The following TPPP2 variants were observed in gnomAD, a reference collection of about 807,000 sequenced individuals.
TPPP2 encodes tubulin polymerization promoting protein family member 2, also known as tubulin polymerization-promoting protein family member 2.
Under a neutral mutation model 13.0 loss-of-function variants are expected in TPPP2, and 8 were observed. That is an observed-to-expected ratio of 0.62 (90% CI 0.36 to 1.11). The LOEUF is 1.11. Among genes scored for constraint, TPPP2 ranks in the 50% most tolerant of loss-of-function variants. The pLI, the probability that TPPP2 is intolerant of heterozygous loss-of-function variation, is 0.02. For missense variants in TPPP2, 213 were observed against 216.9 expected (o/e 0.98, Z 0.11); for synonymous variants, 81 against 81.8 (o/e 0.99, Z 0.05).
Position 21,031,133 on chromosome 14 carries a change from G to C in TPPP2, c.295G>C (p.Glu99Gln), listed in dbSNP as rs369707582. The C allele has an allele frequency of 1.1e-5, 17 of 1,614,000 alleles. No homozygotes were observed. Among genetic ancestry groups the C allele is most frequent in the South Asian group, 2.2e-5 (2 of 91,090 alleles). The change falls in exon 3 of 4, where the codon GAG becomes CAG. Residue 99 changes from glutamate (E) to glutamine (Q), a missense_variant. By Grantham distance (29) the Glu-to-Gln change is conservative. Coordinates refer to ENST00000321760, the MANE Select transcript of TPPP2 (RefSeq NM_173846.5). ...CCTGGAGAACATTTATGGACTCATG[G>C]AGGGCAAAGACCCAGCCACCACTGG... is the stretch of plus-strand genomic sequence containing the variant. Reference protein sequence around the residue: ...EVLENIYGLMEGKDPATTGAT... With the variant: ...EVLENIYGLMQGKDPATTGAT...
In TPPP2 at chr14:21,031,045, G is replaced by A. The variant is rs561585406; in HGVS notation, c.207G>A (p.Gln69=). ...ACGCCCGAACCATCACGTTTCAACA[G>A]TTCAAAGAGGCAGTGAAGGAACTGG... ...AKNARTITFQ[Q]FKEAVKELGQ... is the part of the protein sequence containing the mutation. Residue 69 remains glutamine, a synonymous_variant, in exon 3 of 4, where the codon CAG becomes CAA. Transcript: ENST00000321760. 62 of 1,613,878 alleles carry A rather than the reference G, an allele frequency of 3.8e-5. No homozygotes were observed. In the South Asian group the frequency reaches 6.0e-4, roughly 16 times the overall value.
chr14:21,027,655 A>C (rs1018927732), upstream of TPPP2, among the ~76,000 whole-genome samples: 1 of 152,332 alleles, frequency 6.6e-6, no homozygotes, highest in Admixed American at 6.5e-5. Context: ...AAATGCGGTA[A>C]TACCTACACA....
downstream of TPPP2, chr14:21,033,919 AGCAGCTAGTGGGTG>A (rs1175268651): frequency 7.4e-6 from 12 of 1,614,094 alleles, no homozygotes; most frequent in Admixed American, 1.2e-4. Flanking sequence ...CTATTGTAGT[AGCAGCTAGTGGGTG>A]GCTGTTGGTG....
At chr14:21,028,345 G>C (rs1049557183), upstream of TPPP2, 2 of 152,048 alleles carry the variant, frequency 1.3e-5, no homozygotes, top group African/African-American at 2.4e-5. Flanking sequence ...CCAAACTCCC[G>C]GGCTCAAGCA....
In TPPP2 at chr14:21,032,313, T is replaced by A. The variant is rs1344590017; in HGVS notation, c.*236T>A. The A allele has an allele frequency of 4.8e-6, 3 of 621,926 alleles. No homozygotes were observed. The highest frequency in any genetic ancestry group is 3.3e-5 in the East Asian group (1 of 29,874). The allele number at this position is 621,926 out of a possible 1,614,324, so 38.5% of individuals were successfully genotyped here. A position where few individuals can be genotyped will look rare whatever the true frequency, so the allele number is the denominator to read the frequency against. ...ACCAGCCATCAGTTAGCATTCCTCC[T>A]CAACAGCTGCTTCCAAGAACAGGAT... On this transcript the variant is annotated 3_prime_UTR_variant, in exon 4 of 4. Transcript: ENST00000321760.
chr14:21,028,770 G>A (rs1211493925), upstream of TPPP2, among the ~76,000 whole-genome samples: 3 of 152,132 alleles, frequency 2.0e-5, no homozygotes, highest in African/African-American at 4.8e-5. Context: ...AGATCATTTA[G>A]AAACCAGAGT....
intron 1 of TPPP2, 61 bp from the exon 2 acceptor site, chr14:21,030,452 A>T: frequency 1.1e-6 from 1 of 906,640 alleles, no homozygotes; most frequent in Non-Finnish European, 1.7e-6. Context: ...AACAGGGAAG[A>T]GGGGAGCTGT....
chr14:21,024,565 A>T, intron 1 of TPPP2: 1 of 985,450 alleles, frequency 1.0e-6, no homozygotes, highest in African/African-American at 1.7e-5. Context: ...AAACAAACAC[A>T]AAGATTGGTG....
upstream of TPPP2, among the ~76,000 whole-genome samples, chr14:21,026,889 CG>C (rs1883706504): frequency 6.6e-6 from 1 of 152,116 alleles, no homozygotes; most frequent in Non-Finnish European, 1.5e-5. Flanking sequence ...GCCAAAGGTG[CG>C]CAAGACAGGA....
downstream of TPPP2, chr14:21,036,202 G>A (rs766686803): frequency 5.5e-5 from 25 of 456,258 alleles, no homozygotes; most frequent in Middle Eastern, 9.8e-4. Flanking sequence ...GGATGCTCTC[G>A]TCTCGCCTGG....
chr14:21,030,493 T>C lies in TPPP2; in HGVS notation c.-69-20T>C, dbSNP rs1007841816. ...TTGCTGACTGATTTTACCATAACAC[T>C]CATCCTCATTACTCCACAGTCCTCC... On this transcript the variant is annotated intron_variant, in intron 1 of 3. Transcript: ENST00000321760. The C allele has an allele frequency of 2.9e-6, 4 of 1,360,462 alleles. No individual in the cohort carries two copies. The African/African-American group carries it at 4.3e-5, about 15-fold the overall frequency. The allele number at this position is 1,360,462 out of a possible 1,614,324, so 84.3% of individuals were successfully genotyped here.
At chr14:21,032,816 G>T, downstream of TPPP2, 1 of 400,288 alleles carries the variant, frequency 2.5e-6, no homozygotes, top group Admixed American at 2.9e-5. Context: ...AACAGAGTCA[G>T]ATGTGTGTTA....
upstream of TPPP2, among the ~76,000 whole-genome samples, chr14:21,026,412 C>G (rs1883633912): frequency 6.6e-6 from 1 of 151,348 alleles, no homozygotes; most frequent in Non-Finnish European, 1.5e-5. Flanking sequence ...GGAACAATGG[C>G]CAATGGAACT....
chr14:21,036,224 A>G (rs1566492326), downstream of TPPP2: 1 of 456,148 alleles, frequency 2.2e-6, no homozygotes. Flanking sequence ...CAGCACACAC[A>G]CTCCAACTCC....
chr14:21,031,843 T>C (rs1884196936), intron 3 of TPPP2, 49 bp from the exon 4 acceptor site: 2 of 1,585,206 alleles, frequency 1.3e-6, no homozygotes, highest in East Asian at 4.5e-5. Context: ...GGAAGGGATA[T>C]GACAGCGTAA....
chr14:21,032,450 G>T lies in TPPP2; in HGVS notation c.*373G>T, dbSNP rs1004348905. 16 of 405,134 alleles carry T rather than the reference G, an allele frequency of 3.9e-5. No homozygotes were observed. Among genetic ancestry groups the T allele is most frequent in the African/African-American group, 3.1e-4 (15 of 48,846 alleles). The allele number at this position is 405,134 out of a possible 1,614,324, so 25.1% of individuals were successfully genotyped here. A position where few individuals can be genotyped will look rare whatever the true frequency, so the allele number is the denominator to read the frequency against. ...CTCTCCACCCCCACCCCTCAAAAGG[G>T]TGTAGCAATTCCTCACGTGATGGAC... On this transcript the variant is annotated 3_prime_UTR_variant, in exon 4 of 4. Transcript: ENST00000321760.
rs1396366070 is a variant in TPPP2 at position 21,030,263 on chromosome 14, C to G, written c.-111C>G. The G allele has an allele frequency of 7.0e-6, 2 of 287,466 alleles. No individual in the cohort carries two copies. Among genetic ancestry groups the G allele is most frequent in the Non-Finnish European group, 1.3e-5 (2 of 149,550 alleles). 17.8% of individuals were successfully genotyped at this position (287,466 alleles called of 1,614,324 possible). A position where few individuals can be genotyped will look rare whatever the true frequency, so the allele number is the denominator to read the frequency against. On this transcript the variant is annotated 5_prime_UTR_variant, in exon 1 of 4. Coordinates refer to ENST00000321760, the MANE Select transcript of TPPP2 (RefSeq NM_173846.5). ...CCACATATCTGCACACACTTAAATA[C>G]AAAGGCCGGGAAGGGTCAGACCACC...
rs569699209 is a variant in TPPP2, at chr14:21,030,640, G to A, written c.59G>A (p.Ser20Asn). The stretch of plus-strand genomic sequence containing the variant: ...TTTGCTGCGTTTGGAGAATCATCAA[G>A]CAGTGGCACTGAAATGAACAACAAG... Reference protein sequence around the residue: ...HRFAAFGESSSSGTEMNNKNF... With the variant: ...HRFAAFGESSNSGTEMNNKNF... Residue 20 changes from serine to asparagine, a missense_variant, in exon 2 of 4, where the codon AGC becomes AAC. Transcript: ENST00000321760. 3 of 1,614,072 alleles carry A rather than the reference G, an allele frequency of 1.9e-6. No individual in the cohort carries two copies. Among genetic ancestry groups the A allele is most frequent in the South Asian group, 2.2e-5 (2 of 91,042 alleles).
At chr14:21,026,946 G>A (rs546766717), upstream of TPPP2, among the ~76,000 whole-genome samples, 13 of 146,440 alleles carry the variant, frequency 8.9e-5, no homozygotes, top group African/African-American at 3.3e-4. Flanking sequence ...GGAGAGCCTC[G>A]AGTGAGAACT....
Sources: gnomAD v4.1 joint callset for allele counts (sites outside exome capture counted in the v4.1 genomes callset) on GRCh38, gnomAD v4.1.1 for gene constraint, MANE v1.5 for transcripts, NCBI Gene and HGNC (gene_info 2026-07-23, HGNC 2026-07-21) for gene names.